RPGR: variants seen among roughly 807,000 people sequenced by gnomAD.
RPGR encodes the protein X-linked retinitis pigmentosa GTPase regulator.
Under a neutral mutation model 56.3 loss-of-function variants are expected in RPGR, and 10 were observed. That is an observed-to-expected ratio of 0.18 (90% CI 0.11 to 0.30). The LOEUF (loss-of-function observed/expected upper bound fraction) is 0.30, where lower values mean the gene tolerates loss of function less well. RPGR is among the 10% of genes least tolerant of loss of function. The probability of loss-of-function intolerance (pLI) is 1.00; values close to 1 mark genes in which losing one functional copy is unlikely to be tolerated. For missense variants in RPGR, 538 were observed against 590.9 expected (o/e 0.91, Z 0.93); for synonymous variants, 197 against 212.9 (o/e 0.93, Z 0.65).
rs769910194 is a variant in RPGR at position 38,318,979 on chromosome X, T to G, written c.319A>C (p.Asn107His). Residue 107 changes from asparagine (N) to histidine (H), a missense_variant, in exon 5 of 19, where the codon AAT (asparagine) becomes CAT (histidine). Physicochemically the swap from Asn to His is moderately conservative, Grantham distance 68 (BLOSUM62 1). Coordinates refer to ENST00000642395, the MANE Select transcript of RPGR (RefSeq NM_000328.3). ...TTATTTCCACCAGTTGCATATACATTGCCTCCTTCTGCACATGGAAAAGAA... is the reference window on the plus strand; with the variant it reads ...TTATTTCCACCAGTTGCATATACATGGCCTCCTTCTGCACATGGAAAAGAA... 8.3e-7 allele frequency: 1 copy of G among 1,211,763 alleles called. No individual in the cohort carries two copies. The highest frequency in any genetic ancestry group is 1.8e-5 in the South Asian group (1 of 56,988).
At chrX:38,305,746 AAAAATAAAATAAAAT>A (rs5902182) in intron 7 of RPGR, among the ~76,000 whole-genome samples, 15,339 of 85,395 alleles carry the variant, frequency 0.18, 1,345 homozygotes, top group East Asian at 0.57. Context: ...ACTCCATCTC[AAAAATAAAATAAAAT>A]AAAATAAAAT....
intron 15 of RPGR, among the ~76,000 whole-genome samples, chrX:38,282,045 C>T (rs187546470): frequency 3.2e-4 from 36 of 111,531 alleles, no homozygotes; most frequent in Non-Finnish European, 5.8e-4. Flanking sequence ...CCCAGAAAAC[C>T]AAAGTCTCTG....
chrX:38,294,019 A>G (rs748840846), intron 11 of RPGR, among the ~76,000 whole-genome samples: 1 of 110,714 alleles, frequency 9.0e-6, no homozygotes, highest in Non-Finnish European at 1.9e-5. Flanking sequence ...TGCTCATCTT[A>G]TCTCCTCTTC....
intron 9 of RPGR, among the ~76,000 whole-genome samples, chrX:38,300,384 T>C (rs1032457007): frequency 1.8e-5 from 2 of 111,968 alleles, no homozygotes; most frequent in African/African-American, 6.5e-5. Context: ...TTCAGTATTA[T>C]CATCAAGTAA....
At chrX:38,270,623 CA>C (rs201791415) in intron 18 of RPGR, among the ~76,000 whole-genome samples, 1,150 of 42,251 alleles carry the variant, frequency 0.027, 12 homozygotes, top group African/African-American at 0.073. Context: ...ACTCTGTCCC[CA>C]AAAAAAAAAA....
intron 6 of RPGR, among the ~76,000 whole-genome samples, chrX:38,313,428 G>A (rs1419968789): frequency 9.0e-6 from 1 of 111,576 alleles, no homozygotes; most frequent in Non-Finnish European, 1.9e-5. Context: ...TCAATCACTG[G>A]GCCTGTAACA....
At chrX:38,315,838 T>TATAGAG (rs768025579) in intron 6 of RPGR, among the ~76,000 whole-genome samples, 2,304 of 90,737 alleles carry the variant, frequency 0.025, 95 homozygotes, top group African/African-American at 0.088. Context: ...TATATATATA[T>TATAGAG]AGAGAGAGAG....
At chrX:38,282,777 T>TCAGCAGCAG (rs749108562) in intron 15 of RPGR, among the ~76,000 whole-genome samples, 7 of 105,788 alleles carry the variant, frequency 6.6e-5, no homozygotes, top group Middle Eastern at 4.8e-3. Flanking sequence ...CTGCTGCTGT[T>TCAGCAGCAG]CAGCAGCAGC....
At chrX:38,271,358 T>C (rs1424504931) in intron 18 of RPGR, among the ~76,000 whole-genome samples, 1 of 111,644 alleles carries the variant, frequency 9.0e-6, no homozygotes, top group Non-Finnish European at 1.9e-5. Flanking sequence ...GTATAAAAAA[T>C]ATAATTTTAT....
intron 7 of RPGR, among the ~76,000 whole-genome samples, chrX:38,306,477 A>T (rs986563728): frequency 2.7e-5 from 3 of 112,599 alleles, no homozygotes; most frequent in Non-Finnish European, 5.6e-5. Context: ...ATTTTTTCTA[A>T]TAAAAATGTT....
chrX:38,281,395 A>T (rs1328226058), intron 15 of RPGR, among the ~76,000 whole-genome samples: 1 of 112,610 alleles, frequency 8.9e-6, no homozygotes, highest in African/African-American at 3.2e-5. Flanking sequence ...GCATTTATTG[A>T]CTAATGTATG....
Position 38,287,960 on chromosome X carries a change from C to T in RPGR, c.1654G>A (p.Glu552Lys), listed in dbSNP as rs2067218491. ...TTACATGCTTTCCCTTCTTTCATTT[C>T]TGACATTTCTTCATATTCATCACTA... Residue 552 changes from glutamate to lysine, a missense_variant, in exon 14 of 19, where the codon GAA becomes AAA. Around this residue, in one of 2 missense-constraint regions of RPGR, gnomAD observed 357 missense variants for 325.8 expected, o/e 1.10. Transcript: ENST00000642395. The T allele has an allele frequency of 8.3e-7, 1 of 1,209,834 alleles. No individual in the cohort carries two copies. The highest frequency in any genetic ancestry group is 1.1e-6 in the Non-Finnish European group (1 of 893,982).
intron 8 of RPGR, chrX:38,302,648 T>G (rs1409962501): frequency 5.4e-5 from 6 of 110,963 alleles, no homozygotes; most frequent in African/African-American, 2.0e-4. Context: ...GCAAAGTGAC[T>G]GCATACTAAG....
chrX:38,316,529 C>G (rs1380838714), intron 6 of RPGR, among the ~76,000 whole-genome samples: 1 of 111,815 alleles, frequency 8.9e-6, no homozygotes, highest in African/African-American at 3.3e-5. Flanking sequence ...ACAGACTATA[C>G]CAACCCCAGG....
At chrX:38,302,959 C>T (rs768378264) in intron 8 of RPGR, among the ~76,000 whole-genome samples, 3 of 109,425 alleles carry the variant, frequency 2.7e-5, no homozygotes, top group Non-Finnish European at 5.7e-5. Flanking sequence ...TACAGGCACG[C>T]GCTGCCATGC....
At chrX:38,312,115 T>C (rs2067729449) in intron 6 of RPGR, among the ~76,000 whole-genome samples, 1 of 112,372 alleles carries the variant, frequency 8.9e-6, no homozygotes, top group Non-Finnish European at 1.9e-5. Flanking sequence ...ATGCACCACT[T>C]AGAACTTGCT....
Position 38,285,913 on chromosome X carries a change from TCCTCCCCTTCCA to T in RPGR, c.1905+1169_1905+1180del, listed in dbSNP as rs201134185. ...CTCTTCCTCTCCTTCCCCCTCTCCTTCCTCCCCTTCCACCTCCCCTTCCACTTCCCCTTCCTC... is the reference window on the plus strand; with the variant it reads ...CTCTTCCTCTCCTTCCCCCTCTCCTTCCTCCCCTTCCACTTCCCCTTCCTC... On this transcript the variant is annotated intron_variant, in intron 15 of 18. Coordinates refer to ENST00000642395, the MANE Select transcript of RPGR (RefSeq NM_000328.3). The T allele has an allele frequency of 0.018, 21,234 of 1,149,202 alleles. 216 individuals carry two copies. The highest frequency in any genetic ancestry group is 0.021 in the Non-Finnish European group (18,408 of 866,549). The allele number at this position is 1,149,202 out of a possible 1,213,427, so 94.7% of individuals were successfully genotyped here. A position where few individuals can be genotyped will look rare whatever the true frequency, so the allele number is the denominator to read the frequency against.
chrX:38,323,565 T>C (rs1473405789), intron 1 of RPGR, 41 bp from the exon 2 acceptor site: 5 of 1,186,926 alleles, frequency 4.2e-6, no homozygotes, highest in African/African-American at 3.5e-5. Context: ...ACTTTTACTA[T>C]GTTGCCTGTT....
At chrX:38,281,583 G>A (rs1025806516) in intron 15 of RPGR, among the ~76,000 whole-genome samples, 3 of 112,475 alleles carry the variant, frequency 2.7e-5, no homozygotes, top group Non-Finnish European at 3.8e-5. Flanking sequence ...GGAGATTCAT[G>A]AGTGTAGCTT....
Sources: gnomAD v4.1 joint callset for allele counts (sites outside exome capture counted in the v4.1 genomes callset) on GRCh38, gnomAD v4.1.1 for gene constraint, gnomAD v4.1.1 regional missense constraint, MANE v1.5 for transcripts, NCBI Gene and HGNC (gene_info 2026-07-23, HGNC 2026-07-21) for gene names.